ASAP1: variants seen among roughly 807,000 people sequenced by gnomAD.
The protein encoded by ASAP1 is ArfGAP with SH3 domain, ankyrin repeat and PH domain 1, also known as arf-GAP with SH3 domain, ANK repeat and PH domain-containing protein 1.
In ASAP1, 43 loss-of-function variants were observed where a neutral mutation model predicts 145.2. That is an observed-to-expected ratio of 0.30 (90% CI 0.23 to 0.38). The LOEUF is 0.38. ASAP1 is among the 10% of genes least tolerant of loss of function. The pLI is 1.00. For missense variants in ASAP1, 1,018 were observed against 1,355.3 expected (o/e 0.75, Z 3.91); for synonymous variants, 546 against 515.5 (o/e 1.06, Z -0.80).
Position 130,061,026 on chromosome 8 carries a change from G to A in ASAP1, c.2745C>T (p.Thr915=). The change falls in exon 28 of 30, where the codon ACC becomes ACT. Residue 915 remains threonine (T), a synonymous_variant. Transcript: ENST00000518721. ...ATTTCTGAAAGATTTCGGGCGGGATGGTGGCTTTGTCTAGGGAGAGATGAT... is the reference window on the plus strand; with the variant it reads ...ATTTCTGAAAGATTTCGGGCGGGATAGTGGCTTTGTCTAGGGAGAGATGAT... ...KTDHLSLDKA[T]IPPEIFQKSS... The A allele has an allele frequency of 1.3e-6, 2 of 1,545,328 alleles. No individual in the cohort carries two copies. The highest frequency in any genetic ancestry group is 1.7e-6 in the Non-Finnish European group (2 of 1,150,204).
At chr8:130,262,392 C>CAAAAA (rs1204651464) in intron 3 of ASAP1, among the ~76,000 whole-genome samples, 16 of 35,668 alleles carry the variant, frequency 4.5e-4, no homozygotes, top group Admixed American at 5.3e-4. Flanking sequence ...GACTCCATCT[C>CAAAAA]AAAAAAAAAA....
chr8:130,426,240 C>T (rs1056860084), intron 1 of ASAP1, among the ~76,000 whole-genome samples: 6 of 152,118 alleles, frequency 3.9e-5, no homozygotes, highest in Non-Finnish European at 5.9e-5. Flanking sequence ...TAAGATGTAC[C>T]TGCTTCCCCT....
intron 3 of ASAP1, among the ~76,000 whole-genome samples, chr8:130,337,327 T>C (rs771284023): frequency 1.3e-5 from 2 of 152,228 alleles, no homozygotes; most frequent in Non-Finnish European, 2.9e-5. Context: ...ATCACTCATA[T>C]TAATCAGTAA....
intron 3 of ASAP1, among the ~76,000 whole-genome samples, chr8:130,268,803 C>A (rs1324995986): frequency 6.6e-6 from 1 of 152,166 alleles, no homozygotes; most frequent in African/African-American, 2.4e-5. Context: ...GTTTAAGAAT[C>A]ATTTGCAGTC....
intron 13 of ASAP1, among the ~76,000 whole-genome samples, chr8:130,143,965 T>C (rs1162113022): frequency 2.0e-5 from 3 of 152,138 alleles, no homozygotes; most frequent in African/African-American, 7.2e-5. Context: ...ACTTGGAAAA[T>C]AGGCCTGACC....
At chr8:130,114,433 T>G (rs55759245) in intron 23 of ASAP1, among the ~76,000 whole-genome samples, 28,507 of 152,124 alleles carry the variant, frequency 0.19, 3,121 homozygotes, top group East Asian at 0.44. Context: ...GGTACATCTA[T>G]GTAGGACACT....
chr8:130,241,896 C>T (rs1028034814), intron 3 of ASAP1, among the ~76,000 whole-genome samples: 1 of 152,086 alleles, frequency 6.6e-6, no homozygotes, highest in Non-Finnish European at 1.5e-5. Flanking sequence ...TTTCTATATA[C>T]TCAAGTGGGA....
chr8:130,340,141 G>A (rs930531165), intron 3 of ASAP1, among the ~76,000 whole-genome samples: 2 of 152,188 alleles, frequency 1.3e-5, no homozygotes, highest in African/African-American at 2.4e-5. Context: ...TGGGTTCTAC[G>A]TGAAGAAAAG....
chr8:130,119,341 A>G (rs1347017213), intron 18 of ASAP1, among the ~76,000 whole-genome samples: 3 of 152,214 alleles, frequency 2.0e-5, no homozygotes, highest in African/African-American at 7.2e-5. Context: ...AAAGGGGTGA[A>G]GATGAGCTGT....
intron 1 of ASAP1, among the ~76,000 whole-genome samples, chr8:130,404,084 G>A (rs111754194): frequency 1.3e-5 from 2 of 152,166 alleles, no homozygotes; most frequent in Admixed American, 6.5e-5. Context: ...ATTAATATCT[G>A]CTAATTTTCT....
chr8:130,303,663 C>T (rs1586792171), intron 3 of ASAP1, among the ~76,000 whole-genome samples: 1 of 152,148 alleles, frequency 6.6e-6, no homozygotes. Flanking sequence ...AAAAGTCAAT[C>T]TGAAAAGGCT....
At chr8:130,437,253 A>T (rs1189208183) in intron 1 of ASAP1, among the ~76,000 whole-genome samples, 1 of 152,262 alleles carries the variant, frequency 6.6e-6, no homozygotes. Context: ...CTGGGCACAA[A>T]GGGCCAAGAG....
intron 3 of ASAP1, among the ~76,000 whole-genome samples, chr8:130,308,673 A>G (rs1053129778): frequency 1.3e-5 from 2 of 152,238 alleles, no homozygotes; most frequent in Admixed American, 6.5e-5. Flanking sequence ...TTCAACATCT[A>G]TATTTTTGAC....
At chr8:130,384,511 CTT>C in intron 2 of ASAP1, among the ~76,000 whole-genome samples, 1 of 152,302 alleles carries the variant, frequency 6.6e-6, no homozygotes, top group Admixed American at 6.5e-5. Context: ...CGGAGTCTCA[CTT>C]TGTCTCCCAA....
rs1170003531 is a variant in ASAP1 at position 130,309,539 on chromosome 8, A to G, written c.186+48478T>C. ...CTGCTGCAGATGAGGCAAGATAAGC[A>G]GTGAGGCAAGACAGAGGCGTGACCA... On this transcript the variant is annotated intron_variant, in intron 3 of 29. Transcript: ENST00000518721. Among the ~76,000 whole-genome samples, 3 of 152,324 alleles carry G rather than the reference A, an allele frequency of 2.0e-5. No homozygotes were observed. In the East Asian group the frequency reaches 5.8e-4, roughly 29 times the overall value.
At chr8:130,178,844 G>GCACC (rs1285420934) in intron 9 of ASAP1, among the ~76,000 whole-genome samples, 1 of 151,686 alleles carries the variant, frequency 6.6e-6, no homozygotes, top group Non-Finnish European at 1.5e-5. Context: ...AGCCGAGACT[G>GCACC]CACCACTGCA....
intron 2 of ASAP1, among the ~76,000 whole-genome samples, chr8:130,379,040 A>G (rs898305734): frequency 6.6e-6 from 1 of 152,170 alleles, no homozygotes; most frequent in African/African-American, 2.4e-5. Context: ...TGAGACGGCC[A>G]AAAAGATGTC....
At chr8:130,127,802 C>A in intron 16 of ASAP1, 125 bp downstream of exon 16, 2 of 1,054,886 alleles carry the variant, frequency 1.9e-6, no homozygotes, top group Non-Finnish European at 2.6e-6. Flanking sequence ...GTTGGGAATA[C>A]GTGTTTTGTG....
chr8:130,116,755 GA>G lies in ASAP1; in HGVS notation c.1997-11del. The G allele has an allele frequency of 1.2e-6, 2 of 1,613,284 alleles. No homozygotes were observed. The highest frequency in any genetic ancestry group is 1.7e-6 in the Non-Finnish European group (2 of 1,179,430). ...TCTCCAGCCTGGTTAACTGAAATAG[GA>G]AAAAAATTAATTTGCATAATTATCT... On this transcript the variant is annotated splice_polypyrimidine_tract_variant and intron_variant, in intron 21 of 29. Coordinates refer to ENST00000518721, the MANE Select transcript of ASAP1 (RefSeq NM_018482.4).
Sources: gnomAD v4.1 joint callset for allele counts (sites outside exome capture counted in the v4.1 genomes callset) on GRCh38, gnomAD v4.1.1 for gene constraint, MANE v1.5 for transcripts, NCBI Gene and HGNC (gene_info 2026-07-23, HGNC 2026-07-21) for gene names.